The following INSR variants were observed in gnomAD, a reference collection of about 807,000 sequenced individuals.
INSR encodes IR.
Under a neutral mutation model 142.6 loss-of-function variants are expected in INSR, and 67 were observed. That is an observed-to-expected ratio of 0.47 (90% CI 0.39 to 0.58). The LOEUF is 0.58. Among genes scored for constraint, INSR ranks in the 20% least tolerant of loss-of-function variants. The pLI is 0.00. For missense variants in INSR, 1,248 were observed against 1,833.2 expected (o/e 0.68, Z 5.83); for synonymous variants, 756 against 743.1 (o/e 1.02, Z -0.28).
intron 1 of INSR, among the ~76,000 whole-genome samples, chr19:7,268,113 C>A (rs1314591601): frequency 6.6e-6 from 1 of 152,058 alleles, no homozygotes; most frequent in Non-Finnish European, 1.5e-5. Flanking sequence ...GAAAATAATT[C>A]TTTTGGCAAG....
chr19:7,261,722 C>A (rs550824254), intron 2 of INSR, among the ~76,000 whole-genome samples: 1 of 151,918 alleles, frequency 6.6e-6, no homozygotes, highest in South Asian at 2.1e-4. Context: ...GTAGAGACAG[C>A]GTTTTGCTAT....
chr19:7,281,104 C>T (rs377185994), intron 1 of INSR, among the ~76,000 whole-genome samples: 3 of 152,066 alleles, frequency 2.0e-5, no homozygotes, highest in East Asian at 1.9e-4. Flanking sequence ...AGGGGGCTTC[C>T]GTGCTATTTC....
chr19:7,200,096 C>G (rs1974912048), intron 2 of INSR, among the ~76,000 whole-genome samples: 1 of 152,160 alleles, frequency 6.6e-6, no homozygotes, highest in Admixed American at 6.5e-5. Context: ...AAGATTAGAC[C>G]AGAGAGGAAA....
Position 7,150,357 on chromosome 19 carries a change from G to T in INSR, c.2267+140C>A. 2.8e-6 allele frequency: 2 copies of T among 720,562 alleles called. No individual in the cohort carries two copies. Among genetic ancestry groups the T allele is most frequent in the South Asian group, 1.5e-5 (1 of 66,062 alleles). 44.6% of individuals were successfully genotyped at this position (720,562 alleles called of 1,614,324 possible). Reference sequence around the variant, plus strand: ...AGTGAAGGCATTGGATTTCTGAATTGGTGAAGCATCTGCTCTCCAGCACAG... The same window carrying T: ...AGTGAAGGCATTGGATTTCTGAATTTGTGAAGCATCTGCTCTCCAGCACAG... On this transcript the variant is annotated intron_variant, in intron 11 of 21. Transcript: ENST00000302850. The surrounding 1 kb of genome is among the most constrained non-coding windows in gnomAD (Gnocchi z 4.2).
intron 3 of INSR, among the ~76,000 whole-genome samples, chr19:7,182,522 AAATT>A (rs1270771376): frequency 6.6e-6 from 1 of 152,080 alleles, no homozygotes; most frequent in Non-Finnish European, 1.5e-5. Flanking sequence ...CAAAATAAAT[AAATT>A]AATTAATTAA....
intron 2 of INSR, among the ~76,000 whole-genome samples, chr19:7,250,110 G>A (rs532091463): frequency 6.6e-6 from 1 of 151,844 alleles, no homozygotes; most frequent in African/African-American, 2.4e-5. Flanking sequence ...TGTTAGCTAT[G>A]ATCATGCTAC....
intron 2 of INSR, among the ~76,000 whole-genome samples, chr19:7,198,570 G>A (rs1974858756): frequency 1.3e-5 from 2 of 152,088 alleles, no homozygotes; most frequent in Non-Finnish European, 2.9e-5. Context: ...CTGACCCCAG[G>A]CCTCCCTCGG....
intron 2 of INSR, among the ~76,000 whole-genome samples, chr19:7,242,950 G>A (rs1354020475): frequency 6.6e-6 from 1 of 151,996 alleles, no homozygotes; most frequent in Non-Finnish European, 1.5e-5. Flanking sequence ...GAAAAATGAG[G>A]TTTTGGGAAG....
chr19:7,260,106 C>T (rs1286696948), intron 2 of INSR, among the ~76,000 whole-genome samples: 1 of 152,024 alleles, frequency 6.6e-6, no homozygotes, highest in Non-Finnish European at 1.5e-5. Flanking sequence ...AAAATCAAAC[C>T]CTCCAAGAGC....
chr19:7,159,418 C>T lies in INSR; in HGVS notation c.2029+3614G>A, dbSNP rs72996167. On this transcript the variant is annotated intron_variant, in intron 9 of 21. Coordinates refer to ENST00000302850, the MANE Select transcript of INSR (RefSeq NM_000208.4). This position sits in a 1 kb window ranked among gnomAD's most constrained non-coding sequence, Gnocchi z 4.3. ...GGGACCTCCTAGGAGTGAAATCACA[C>T]AGAATTTGTCCTTAGTGAGTTTCCT... 0.061 allele frequency: 9,315 copies of T among 151,972 alleles called. 400 individuals are homozygous for T. The highest frequency in any genetic ancestry group is 0.088 in the Non-Finnish European group (5,985 of 67,982). 9.4% of individuals were successfully genotyped at this position (151,972 alleles called of 1,614,324 possible). A position where few individuals can be genotyped will look rare whatever the true frequency, so the allele number is the denominator to read the frequency against.
At chr19:7,161,785 G>A (rs1030175334) in intron 9 of INSR, among the ~76,000 whole-genome samples, 2 of 152,154 alleles carry the variant, frequency 1.3e-5, no homozygotes, top group African/African-American at 4.8e-5. Flanking sequence ...GAAAGAAGGA[G>A]AGACAAGAGG....
chr19:7,181,873 G>A (rs2144980673), intron 3 of INSR, among the ~76,000 whole-genome samples: 1 of 151,908 alleles, frequency 6.6e-6, no homozygotes, highest in South Asian at 2.1e-4. Context: ...AAGCCACTGT[G>A]CCTGGCCAAG....
chr19:7,116,945 A>T lies in INSR; in HGVS notation c.*111T>A. 1.1e-6 allele frequency: 1 copy of T among 872,016 alleles called. No individual in the cohort carries two copies. Among genetic ancestry groups the T allele is most frequent in the Non-Finnish European group, 2.0e-6 (1 of 506,760 alleles). 54.0% of individuals were successfully genotyped at this position (872,016 alleles called of 1,614,324 possible). On this transcript the variant is annotated 3_prime_UTR_variant, in exon 22 of 22. Coordinates refer to ENST00000302850, the MANE Select transcript of INSR (RefSeq NM_000208.4). The stretch of plus-strand genomic sequence containing the variant: ...CAGAAATGTATAGGAACGATCTCTG[A>T]ACTCCATTGGACATGGTAGAGTCGT...
intron 2 of INSR, among the ~76,000 whole-genome samples, chr19:7,249,541 C>G (rs1173870147): frequency 2.6e-5 from 4 of 152,098 alleles, no homozygotes; most frequent in African/African-American, 9.7e-5. Context: ...GTATGGATCT[C>G]TAGACAAATA....
rs1972416422 is a variant in INSR, at chr19:7,119,229, T to G, written c.3794+220A>C. The stretch of plus-strand genomic sequence containing the variant: ...TATAATATGCAAACGTAAGCGTACA[T>G]GTAGCACATATGGGAACTCAAGTGT... On this transcript the variant is annotated intron_variant, in intron 21 of 21. Transcript: ENST00000302850. This position sits in a 1 kb window ranked among gnomAD's most constrained non-coding sequence, Gnocchi z 5.2. 6.6e-6 allele frequency among the ~76,000 whole-genome samples: 1 copy of G among 152,170 alleles called. No individual in the cohort carries two copies. The highest frequency in any genetic ancestry group is 1.5e-5 in the Non-Finnish European group (1 of 68,034).
At position 7,168,156 on chromosome 19, in the gene INSR, T is replaced by C; in HGVS notation, c.1484-62A>G. The stretch of plus-strand genomic sequence containing the variant: ...TTCAGTGTAGTTTCAGACCAAAGCC[T>C]GGGACCCCCACACTTCCTGGAGGGA... On this transcript the variant is annotated intron_variant, in intron 6 of 21. Coordinates refer to ENST00000302850, the MANE Select transcript of INSR (RefSeq NM_000208.4). This position sits in a 1 kb window ranked among gnomAD's most constrained non-coding sequence, Gnocchi z 4.3. 1 of 1,566,708 alleles carries C rather than the reference T, an allele frequency of 6.4e-7. No individual in the cohort carries two copies. The highest frequency in any genetic ancestry group is 2.3e-5 in the East Asian group (1 of 44,202).
chr19:7,121,794 A>G (rs74422985), intron 19 of INSR, among the ~76,000 whole-genome samples: 4,608 of 152,310 alleles, frequency 0.03, 228 homozygotes, highest in African/African-American at 0.1. Context: ...GTGAATGGGT[A>G]AGTGAGTTTA....
At chr19:7,276,891 C>T (rs1968076253) in intron 1 of INSR, among the ~76,000 whole-genome samples, 1 of 152,070 alleles carries the variant, frequency 6.6e-6, no homozygotes, top group Admixed American at 6.6e-5. Flanking sequence ...CCACCACGCA[C>T]AGCTAATTTT....
In INSR at chr19:7,192,256, A is replaced by AG. The variant is rs916859522; in HGVS notation, c.653-7620dup. On this transcript the variant is annotated intron_variant, in intron 2 of 21. Coordinates refer to ENST00000302850, the MANE Select transcript of INSR (RefSeq NM_000208.4). This position sits in a 1 kb window ranked among gnomAD's most constrained non-coding sequence, Gnocchi z 4.2. ...AGAAGGAAGGGAGGGAGGGAAGAAA[A>AG]GAAAAGAAAAGAAAAGAAAAGAAAA... 1.8e-4 allele frequency among the ~76,000 whole-genome samples: 3 copies of AG among 16,816 alleles called. No homozygotes were observed. Among genetic ancestry groups the AG allele is most frequent in the Middle Eastern group, 0.028 (1 of 36 alleles). 11.0% of individuals were successfully genotyped at this position (16,816 alleles called of 152,430 possible).
Sources: gnomAD v4.1 joint callset for allele counts (sites outside exome capture counted in the v4.1 genomes callset) on GRCh38, gnomAD v4.1.1 for gene constraint, Gnocchi (gnomAD v3.1) non-coding constraint, MANE v1.5 for transcripts, NCBI Gene and HGNC (gene_info 2026-07-23, HGNC 2026-07-21) for gene names.